FRZB: variants seen among roughly 807,000 people sequenced by gnomAD.
The protein encoded by FRZB is secreted frizzled-related protein 3.
In FRZB, 34 loss-of-function variants were observed where a neutral mutation model predicts 32.5. That is an observed-to-expected ratio of 1.05 (90% CI 0.80 to 1.39). The LOEUF (loss-of-function observed/expected upper bound fraction) is 1.39. Ranked by LOEUF, FRZB falls within the 40% of genes most tolerant of loss-of-function variation. FRZB has a pLI of 0.00. For synonymous variants in FRZB, 170 were observed against 159.2 expected (o/e 1.07, Z -0.51); for missense variants, 423 against 424.8 (o/e 1.00, Z 0.04).
chr2:182,833,298 T>G lies in FRZB; in HGVS notation c.*1551A>C, dbSNP rs754977526. The stretch of plus-strand genomic sequence containing the variant: ...GATTTTTGCTTCATAAGCATTTTAT[T>G]TTCAGCACGCCACAGCTTAGAAATT... On this transcript the variant is annotated 3_prime_UTR_variant, in exon 6 of 6. Coordinates refer to ENST00000295113, the MANE Select transcript of FRZB (RefSeq NM_001463.4). 6.6e-6 allele frequency: 1 copy of G among 152,194 alleles called. No homozygotes were observed. Among genetic ancestry groups the G allele is most frequent in the African/African-American group, 2.4e-5 (1 of 41,468 alleles). 9.4% of individuals were successfully genotyped at this position (152,194 alleles called of 1,614,324 possible).
intron 2 of FRZB, among the ~76,000 whole-genome samples, chr2:182,843,646 C>A (rs1401248794): frequency 6.6e-6 from 1 of 152,124 alleles, no homozygotes; most frequent in African/African-American, 2.4e-5. Context: ...TGGCTGGGCA[C>A]AAGCGCTCAC....
intron 5 of FRZB, among the ~76,000 whole-genome samples, chr2:182,836,727 C>G (rs1191768907): frequency 6.6e-6 from 1 of 151,956 alleles, no homozygotes; most frequent in Non-Finnish European, 1.5e-5. Context: ...AAATTAAAGA[C>G]AGTAAGAGAT....
Position 182,866,628 on chromosome 2 carries a change from C to T in FRZB, c.-76G>A. The T allele has an allele frequency of 9.4e-7, 1 of 1,058,516 alleles. No individual in the cohort carries two copies. The highest frequency in any genetic ancestry group is 1.9e-5 in the South Asian group (1 of 51,936). The allele number at this position is 1,058,516 out of a possible 1,614,324, so 65.6% of individuals were successfully genotyped here. ...CCCGCTCCGCCGTCTCCGCCTCCCC[C>T]GCTGCAAGTGGACACAAGGATCTGG... On this transcript the variant is annotated 5_prime_UTR_variant, in exon 1 of 6. Coordinates refer to ENST00000295113, the MANE Select transcript of FRZB (RefSeq NM_001463.4). The surrounding 1 kb of genome is among the most constrained non-coding windows in gnomAD (Gnocchi z 4.5).
intron 1 of FRZB, among the ~76,000 whole-genome samples, chr2:182,863,183 C>T (rs1257681886): frequency 5.3e-5 from 8 of 152,020 alleles, no homozygotes; most frequent in African/African-American, 1.2e-4. Context: ...TAGTTGATGT[C>T]GGGGCAGAGT....
At chr2:182,842,300 C>T (rs562842151) in intron 3 of FRZB, among the ~76,000 whole-genome samples, 178 bp downstream of exon 3, 12 of 152,206 alleles carry the variant, frequency 7.9e-5, no homozygotes, top group African/African-American at 2.2e-4. Flanking sequence ...GCATTTTGCC[C>T]GTGTGAGACA....
intron 2 of FRZB, among the ~76,000 whole-genome samples, chr2:182,847,683 ATGAAG>A (rs1180613707): frequency 2.0e-5 from 3 of 152,232 alleles, no homozygotes; most frequent in Admixed American, 1.3e-4. Context: ...TCATTGAAGA[ATGAAG>A]TGAAGTCATC....
At chr2:182,861,486 G>T (rs1164823699) in intron 1 of FRZB, among the ~76,000 whole-genome samples, 1 of 152,204 alleles carries the variant, frequency 6.6e-6, no homozygotes, top group Non-Finnish European at 1.5e-5. Flanking sequence ...TGACGTTGTT[G>T]TTAAACATTT....
intron 1 of FRZB, among the ~76,000 whole-genome samples, chr2:182,864,455 T>A (rs989125224): frequency 2.0e-5 from 3 of 152,204 alleles, no homozygotes; most frequent in African/African-American, 7.2e-5. Context: ...GTGACTTTAG[T>A]GAGTACGAAG....
At chr2:182,859,135 T>C (rs545138598) in intron 1 of FRZB, among the ~76,000 whole-genome samples, 7 of 152,150 alleles carry the variant, frequency 4.6e-5, no homozygotes, top group African/African-American at 1.7e-4. Flanking sequence ...CATCCTATCA[T>C]GATAAAGCCT....
At chr2:182,840,798 G>A (rs1459108190) in intron 3 of FRZB, among the ~76,000 whole-genome samples, 1 of 151,936 alleles carries the variant, frequency 6.6e-6, no homozygotes, top group Non-Finnish European at 1.5e-5. Context: ...TATTCATTCA[G>A]CTACTTTCTC....
chr2:182,853,310 C>T (rs1695730173), intron 2 of FRZB, among the ~76,000 whole-genome samples: 1 of 152,088 alleles, frequency 6.6e-6, no homozygotes, highest in Non-Finnish European at 1.5e-5. Context: ...GATGTGTTTT[C>T]TTTCTTTCAT....
At chr2:182,861,979 A>C (rs896303404) in intron 1 of FRZB, among the ~76,000 whole-genome samples, 3 of 152,216 alleles carry the variant, frequency 2.0e-5, no homozygotes, top group African/African-American at 7.2e-5. Flanking sequence ...TACACAATGA[A>C]GGATCCTCAG....
Position 182,866,103 on chromosome 2 carries a change from G to T in FRZB, c.450C>A (p.Pro150=), listed in dbSNP as rs144510376. 1.1e-5 allele frequency: 17 copies of T among 1,613,474 alleles called. No homozygotes were observed. In the Middle Eastern group the frequency reaches 5.0e-4, roughly 47 times the overall value. ...CTCCGTCCGCAGTAACGATGGCCTC[G>T]GGAGAGATGCACACGCCCCTGTCGT... is the stretch of plus-strand genomic sequence containing the variant. ...PVYDRGVCIS[P]EAIVTADGAD... is the part of the protein sequence containing the mutation. Residue 150 remains proline (P), a synonymous_variant, in exon 1 of 6, where the codon CCC becomes CCA. Transcript: ENST00000295113. This position sits in a 1 kb window ranked among gnomAD's most constrained non-coding sequence, Gnocchi z 4.5.
At chr2:182,856,889 T>C (rs569611527) in intron 2 of FRZB, among the ~76,000 whole-genome samples, 1 of 152,106 alleles carries the variant, frequency 6.6e-6, no homozygotes, top group African/African-American at 2.4e-5. Flanking sequence ...CTTCTCTCGG[T>C]AATCAATAGA....
In FRZB at chr2:182,843,800, G is replaced by A. The variant is rs825532; in HGVS notation, c.527-1257C>T. ...TGCAAAAATCAGCTGGTGTGGTGGC[G>A]TGTGCCTGTAGTTTCAGCTATTCAG... On this transcript the variant is annotated intron_variant, in intron 2 of 5. Transcript: ENST00000295113. Among the ~76,000 whole-genome samples, 625 of 152,146 alleles carry A rather than the reference G, an allele frequency of 4.1e-3. 7 individuals are homozygous for A. Among genetic ancestry groups the A allele is most frequent in the African/African-American group, 0.014 (583 of 41,538 alleles).
At chr2:182,858,543 G>C (rs1695796286) in intron 2 of FRZB, among the ~76,000 whole-genome samples, 1 of 151,976 alleles carries the variant, frequency 6.6e-6, no homozygotes, top group African/African-American at 2.4e-5. Context: ...CTGATGTGGT[G>C]GTGGTTACAT....
At position 182,866,502 on chromosome 2, in the gene FRZB, A is replaced by C; in HGVS notation, c.51T>G (p.Leu17=). 1.3e-6 allele frequency: 2 copies of C among 1,517,674 alleles called. No homozygotes were observed. Among genetic ancestry groups the C allele is most frequent in the Non-Finnish European group, 1.8e-6 (2 of 1,133,148 alleles). 94.0% of individuals were successfully genotyped at this position (1,517,674 alleles called of 1,614,324 possible). The change falls in exon 1 of 6, where the codon CTT becomes CTG. Residue 17 remains leucine, a synonymous_variant. Coordinates refer to ENST00000295113, the MANE Select transcript of FRZB (RefSeq NM_001463.4). This position sits in a 1 kb window ranked among gnomAD's most constrained non-coding sequence, Gnocchi z 4.5. ...GGMLLLRAGL[L]ALAALCLLRV... ...GGAGCAGGCAGAGAGCAGCCAGGGCAAGCAGCCCGGCCCGCAGCAGCAGCA... is the reference window on the plus strand; with the variant it reads ...GGAGCAGGCAGAGAGCAGCCAGGGCCAGCAGCCCGGCCCGCAGCAGCAGCA...
At chr2:182,859,998 C>G (rs1419674545) in intron 1 of FRZB, among the ~76,000 whole-genome samples, 1 of 152,106 alleles carries the variant, frequency 6.6e-6, no homozygotes, top group East Asian at 1.9e-4. Flanking sequence ...ATGTGATAAA[C>G]TACATACAAA....
chr2:182,844,602 A>T (rs992285500), intron 2 of FRZB, among the ~76,000 whole-genome samples: 2 of 152,194 alleles, frequency 1.3e-5, no homozygotes, highest in Non-Finnish European at 2.9e-5. Flanking sequence ...TCAAATAAAA[A>T]ATTTTGGCAA....
Sources: gnomAD v4.1 joint callset for allele counts (sites outside exome capture counted in the v4.1 genomes callset) on GRCh38, gnomAD v4.1.1 for gene constraint, Gnocchi (gnomAD v3.1) non-coding constraint, MANE v1.5 for transcripts, NCBI Gene and HGNC (gene_info 2026-07-23, HGNC 2026-07-21) for gene names.